FBLN5: variants seen among roughly 807,000 people sequenced by gnomAD.
The protein encoded by FBLN5 is fibulin 5, also known as fibulin-5.
FBLN5 carries 24 observed loss-of-function variants against 61.6 expected under a neutral mutation model. The observed-to-expected ratio is 0.39, with a 90% CI of 0.28 to 0.55. The LOEUF (loss-of-function observed/expected upper bound fraction) is 0.55. Among genes scored for constraint, FBLN5 ranks in the 20% least tolerant of loss-of-function variants. The probability of loss-of-function intolerance (pLI) is 0.65; values close to 1 mark genes in which losing one functional copy is unlikely to be tolerated. For missense variants in FBLN5, 470 were observed against 594.1 expected (o/e 0.79, Z 2.17); for synonymous variants, 213 against 219.8 (o/e 0.97, Z 0.27).
At chr14:91,935,348 A>C (rs2055996112) in intron 4 of FBLN5, among the ~76,000 whole-genome samples, 1 of 152,208 alleles carries the variant, frequency 6.6e-6, no homozygotes, top group South Asian at 2.1e-4. Context: ...CCGAGGCATC[A>C]GCTAGACCTG....
chr14:91,945,182 G>A (rs2056164389), intron 1 of FBLN5, among the ~76,000 whole-genome samples: 1 of 149,026 alleles, frequency 6.7e-6, no homozygotes, highest in Non-Finnish European at 1.5e-5. Flanking sequence ...AGGGAGCCGA[G>A]ATTGCGCCAC....
At chr14:91,914,073 T>C (rs2140011785) in intron 4 of FBLN5, among the ~76,000 whole-genome samples, 1 of 152,370 alleles carries the variant, frequency 6.6e-6, no homozygotes, top group East Asian at 1.9e-4. Context: ...CCATGCACAG[T>C]TGCTCATATC....
intron 5 of FBLN5, among the ~76,000 whole-genome samples, 179 bp downstream of exon 5, chr14:91,894,771 T>C (rs1484316446): frequency 6.6e-6 from 1 of 152,178 alleles, no homozygotes; most frequent in African/African-American, 2.4e-5. Flanking sequence ...ATGGCGATGA[T>C]GGCAATTGAT....
rs1385239031 is a variant in FBLN5, at chr14:91,887,402, C to T, written c.620-90G>A. The T allele has an allele frequency of 3.0e-6, 4 of 1,349,456 alleles. No individual in the cohort carries two copies. The African/African-American group carries it at 5.7e-5, about 19-fold the overall frequency. The allele number at this position is 1,349,456 out of a possible 1,614,324, so 83.6% of individuals were successfully genotyped here. On this transcript the variant is annotated intron_variant, in intron 6 of 10. Coordinates refer to ENST00000342058, the MANE Select transcript of FBLN5 (RefSeq NM_006329.4). ...AAAAAGCACCAGCAACGAAATCTAC[C>T]ACCACCAGGAGACCAGAGTCCCAGG...
intron 5 of FBLN5, 120 bp downstream of exon 5, chr14:91,894,830 G>T (rs111704831): frequency 2.8e-5 from 5 of 175,976 alleles, no homozygotes; most frequent in Admixed American, 1.1e-4. Context: ...CACCCCTCCC[G>T]CCCTCCCTAG....
chr14:91,907,583 G>A (rs1595320228), intron 4 of FBLN5, among the ~76,000 whole-genome samples: 8 of 152,120 alleles, frequency 5.3e-5, no homozygotes, highest in Non-Finnish European at 2.9e-5. Context: ...ACGTAGGAGT[G>A]CACAGTGAGA....
intron 7 of FBLN5, among the ~76,000 whole-genome samples, chr14:91,883,830 G>T (rs1889599635): frequency 6.6e-6 from 1 of 152,138 alleles, no homozygotes; most frequent in African/African-American, 2.4e-5. Flanking sequence ...TGACGTGGAG[G>T]GGAGCCCCTG....
chr14:91,939,048 C>CA (rs2056065232), intron 3 of FBLN5, among the ~76,000 whole-genome samples: 2 of 152,196 alleles, frequency 1.3e-5, no homozygotes, highest in South Asian at 4.1e-4. Context: ...ATCGATTTTT[C>CA]AAACCATCTA....
intron 4 of FBLN5, among the ~76,000 whole-genome samples, chr14:91,896,981 G>A (rs116919234): frequency 0.018 from 2,707 of 152,132 alleles, 36 homozygotes; most frequent in Non-Finnish European, 0.028. Flanking sequence ...GTGGTCCCTC[G>A]GCTTCAGGTG....
At chr14:91,871,201 T>C (rs1888909258) in intron 10 of FBLN5, among the ~76,000 whole-genome samples, 1 of 142,196 alleles carries the variant, frequency 7.0e-6, no homozygotes, top group Non-Finnish European at 1.5e-5. Flanking sequence ...AAAATGAGGG[T>C]TTGGACCAGA....
chr14:91,929,524 A>C (rs2055889169), intron 4 of FBLN5, among the ~76,000 whole-genome samples: 1 of 152,186 alleles, frequency 6.6e-6, no homozygotes, highest in Non-Finnish European at 1.5e-5. Flanking sequence ...CACAGCTAAT[A>C]AGTAGCAAAT....
intron 4 of FBLN5, among the ~76,000 whole-genome samples, chr14:91,924,618 G>T (rs2430370): frequency 2.6e-5 from 4 of 151,762 alleles, no homozygotes; most frequent in South Asian, 4.2e-4. Flanking sequence ...GGAGATGGGG[G>T]TTGCAGTGAG....
chr14:91,918,842 A>T (rs888741720), intron 4 of FBLN5, among the ~76,000 whole-genome samples: 2 of 152,192 alleles, frequency 1.3e-5, no homozygotes, highest in African/African-American at 4.8e-5. Context: ...ACAGGACACG[A>T]AGCTTTAATG....
chr14:91,930,951 C>G (rs2055911845), intron 4 of FBLN5, among the ~76,000 whole-genome samples: 1 of 152,216 alleles, frequency 6.6e-6, no homozygotes, highest in Admixed American at 6.5e-5. Context: ...GACTCTGTGA[C>G]TCTTCCCCTG....
intron 4 of FBLN5, 31 bp downstream of exon 4, chr14:91,936,916 G>A: frequency 1.2e-6 from 2 of 1,614,016 alleles, no homozygotes; most frequent in Non-Finnish European, 1.7e-6. Context: ...CCAAAGCACA[G>A]CGGAGAGGAA....
At chr14:91,934,221 G>T (rs1474072561) in intron 4 of FBLN5, among the ~76,000 whole-genome samples, 1 of 152,094 alleles carries the variant, frequency 6.6e-6, no homozygotes, top group Non-Finnish European at 1.5e-5. Flanking sequence ...GCAAGAGAAG[G>T]ACCTTGTTTT....
chr14:91,886,854 G>A (rs986093299), intron 7 of FBLN5, among the ~76,000 whole-genome samples: 2 of 152,122 alleles, frequency 1.3e-5, no homozygotes, highest in Non-Finnish European at 2.9e-5. Flanking sequence ...ATATCCCCAA[G>A]ACTTGAGTCG....
intron 4 of FBLN5, among the ~76,000 whole-genome samples, chr14:91,912,474 G>A (rs1890989900): frequency 6.6e-6 from 1 of 152,170 alleles, no homozygotes; most frequent in East Asian, 1.9e-4. Context: ...GTGAAACCCT[G>A]TATCTACTAA....
chr14:91,876,683 A>T (rs575716831), intron 10 of FBLN5, among the ~76,000 whole-genome samples: 4 of 152,250 alleles, frequency 2.6e-5, no homozygotes, highest in Admixed American at 6.5e-5. Flanking sequence ...CGGAAGCTGG[A>T]AGAGATATGG....
Sources: gnomAD v4.1 joint callset for allele counts (sites outside exome capture counted in the v4.1 genomes callset) on GRCh38, gnomAD v4.1.1 for gene constraint, MANE v1.5 for transcripts, NCBI Gene and HGNC (gene_info 2026-07-23, HGNC 2026-07-21) for gene names.